The following SART3 variants were observed in gnomAD, a reference collection of about 807,000 sequenced individuals.
The protein encoded by SART3 is spliceosome associated factor 3, U4/U6 recycling protein, also known as HIV-1 Tat-interacting protein of 110kDa.
In SART3, 44 loss-of-function variants were observed where a neutral mutation model predicts 122.3. The observed-to-expected ratio is 0.36, with a 90% CI of 0.28 to 0.46. SART3 has a LOEUF of 0.46. Ranked by LOEUF, SART3 falls within the 20% of genes least tolerant of loss-of-function variation. The probability of loss-of-function intolerance (pLI) is 1.00; values close to 1 mark genes in which losing one functional copy is unlikely to be tolerated. For missense variants in SART3, 1,101 were observed against 1,229.0 expected, an observed-to-expected ratio of 0.90 and a Z score of 1.56; for synonymous variants, 442 against 454.0, an observed-to-expected ratio of 0.97 and a Z score of 0.34.
intron 15 of SART3, among the ~76,000 whole-genome samples, chr12:108,529,841 G>A (rs776537662): frequency 1.4e-4 from 22 of 151,940 alleles, no homozygotes; most frequent in Non-Finnish European, 2.6e-4. Context: ...CCAGACTCAA[G>A]GAGATCCAGG....
In SART3 at chr12:108,542,008, T is replaced by A. The variant is rs898167793; in HGVS notation, c.906+1020A>T. 3.4e-5 allele frequency among the ~76,000 whole-genome samples: 4 copies of A among 119,262 alleles called. No homozygotes were observed. In the East Asian group the frequency reaches 6.4e-4, roughly 19 times the overall value. The allele number at this position is 119,262 out of a possible 152,430, so 78.2% of individuals were successfully genotyped here. On this transcript the variant is annotated intron_variant, in intron 6 of 18. Transcript: ENST00000546815. ...TGCCACCAAGCCCGGCTTTTTTTTTTTTTTTTTTTTTTTTTTTTTGGTAGA... is the reference window on the plus strand; with the variant it reads ...TGCCACCAAGCCCGGCTTTTTTTTTATTTTTTTTTTTTTTTTTTTGGTAGA...
intron 15 of SART3, among the ~76,000 whole-genome samples, chr12:108,529,806 T>TAA (rs138607862): frequency 2.1e-5 from 3 of 143,248 alleles, no homozygotes; most frequent in African/African-American, 5.1e-5. Context: ...GTCATCAGAG[T>TAA]AAAAAAAAAA....
chr12:108,528,498 A>G (rs2136664504), intron 15 of SART3, among the ~76,000 whole-genome samples: 1 of 151,312 alleles, frequency 6.6e-6, no homozygotes, highest in African/African-American at 2.4e-5. Flanking sequence ...AAAAAAAAAA[A>G]AAAAGTAGGG....
At chr12:108,539,331 T>C (rs529978319) in intron 6 of SART3, among the ~76,000 whole-genome samples, 1 of 152,236 alleles carries the variant, frequency 6.6e-6, no homozygotes, top group African/African-American at 2.4e-5. Flanking sequence ...TCTAAATCCA[T>C]TCCTAGACCA....
At chr12:108,555,536 A>G (rs2030183359) in intron 1 of SART3, among the ~76,000 whole-genome samples, 1 of 152,166 alleles carries the variant, frequency 6.6e-6, no homozygotes, top group Admixed American at 6.5e-5. Flanking sequence ...CTGGTGGCAC[A>G]TGCCTGTGGT....
At chr12:108,524,743 T>A in intron 17 of SART3, 3 of 585,318 alleles carry the variant, frequency 5.1e-6, no homozygotes, top group Non-Finnish European at 9.2e-6. Flanking sequence ...CCTTCCAAGT[T>A]CAGCACACCT....
At position 108,523,536 on chromosome 12, in the gene SART3, G is replaced by A; in HGVS notation, c.2813C>T (p.Pro938Leu). 6.2e-7 allele frequency: 1 copy of A among 1,613,928 alleles called. No homozygotes were observed. ...PQAENGPAAA[P>L]AVAAPAATEA... is the part of the protein sequence containing the mutation. Reference sequence around the variant, plus strand: ...GGTGGCTGCTGGGGCGGCAACTGCAGGAGCCGCGGCAGGGCCGTTCTCAGC... The same window carrying A: ...GGTGGCTGCTGGGGCGGCAACTGCAAGAGCCGCGGCAGGGCCGTTCTCAGC... The change falls in exon 19 of 19, where the codon CCT becomes CTT. Residue 938 changes from proline (P) to leucine (L), a missense_variant. Transcript: ENST00000546815.
chr12:108,546,706 G>C (rs1451346935), intron 3 of SART3, among the ~76,000 whole-genome samples: 1 of 152,006 alleles, frequency 6.6e-6, no homozygotes, highest in Admixed American at 6.5e-5. Flanking sequence ...TTTTAGTGGA[G>C]ATGGGGTTTT....
chr12:108,540,736 C>T (rs1024287022), intron 6 of SART3, among the ~76,000 whole-genome samples: 1 of 149,252 alleles, frequency 6.7e-6, no homozygotes, highest in African/African-American at 2.5e-5. Context: ...CTCATCATTA[C>T]AACAGTGTAA....
At chr12:108,548,986 C>T (rs748560282) in intron 2 of SART3, 102 bp downstream of exon 2, 32 of 1,559,418 alleles carry the variant, frequency 2.1e-5, no homozygotes, top group South Asian at 7.8e-5. Context: ...CTACACTGAA[C>T]GTTCCAGGTT....
chr12:108,559,495 G>A (rs12370849), intron 1 of SART3, among the ~76,000 whole-genome samples: 6,976 of 151,900 alleles, frequency 0.046, 187 homozygotes, highest in South Asian at 0.074. Flanking sequence ...GTGAAACCCC[G>A]TCTCTACTAA....
Position 108,545,338 on chromosome 12 carries a change from T to C in SART3, c.545-15A>G, listed in dbSNP as rs765320800. The C allele has an allele frequency of 7.4e-6, 12 of 1,613,640 alleles. No individual in the cohort carries two copies. Among genetic ancestry groups the C allele is most frequent in the Admixed American group, 1.7e-5 (1 of 60,022 alleles). On this transcript the variant is annotated splice_polypyrimidine_tract_variant and intron_variant, in intron 3 of 18. Transcript: ENST00000546815. ...AATGTTAGGACCTAAAAATAAGAAGTGTTCAATTAGTTTGGGATATAAAAT... is the reference window on the plus strand; with the variant it reads ...AATGTTAGGACCTAAAAATAAGAAGCGTTCAATTAGTTTGGGATATAAAAT...
chr12:108,531,630 G>T, intron 13 of SART3: 1 of 289,670 alleles, frequency 3.5e-6, no homozygotes. Context: ...ATTTTTTGGT[G>T]GTCTTTGCAA....
At position 108,557,780 on chromosome 12, in the gene SART3, T is replaced by C. The variant is rs186313163; in HGVS notation, c.312+3063A>G. On this transcript the variant is annotated intron_variant, in intron 1 of 18. Transcript: ENST00000546815. ...CAAATCTGCCGAAGCCACCATGAAG[T>C]GCCACTTTTAATTTCAGCGCACAAA... Among the ~76,000 whole-genome samples, 973 of 152,294 alleles carry C rather than the reference T, an allele frequency of 6.4e-3. 4 individuals are homozygous for C. Among genetic ancestry groups the C allele is most frequent in the Non-Finnish European group, 0.011 (716 of 68,034 alleles).
At chr12:108,557,912 C>G (rs2241318) in intron 1 of SART3, among the ~76,000 whole-genome samples, 2 of 152,058 alleles carry the variant, frequency 1.3e-5, no homozygotes, top group African/African-American at 2.4e-5. Context: ...GCCTGTGATC[C>G]GAGCACTTTG....
At chr12:108,550,013 C>CAAAAAAA (rs10572379) in intron 1 of SART3, among the ~76,000 whole-genome samples, 3 of 88,232 alleles carry the variant, frequency 3.4e-5, no homozygotes, top group Admixed American at 1.3e-4. Flanking sequence ...GACCCAATCT[C>CAAAAAAA]AAAAAAAAAA....
intron 1 of SART3, among the ~76,000 whole-genome samples, chr12:108,554,780 G>A (rs1433402069): frequency 2.0e-5 from 3 of 151,376 alleles, no homozygotes; most frequent in African/African-American, 7.3e-5. Flanking sequence ...TGGAGGTCTG[G>A]GGTTTTAACA....
chr12:108,539,230 C>G, intron 6 of SART3, 141 bp from the exon 7 acceptor site: 1 of 812,826 alleles, frequency 1.2e-6, no homozygotes, highest in Admixed American at 2.0e-5. Context: ...CCACTATGGC[C>G]TCTACAACTT....
intron 1 of SART3, among the ~76,000 whole-genome samples, chr12:108,558,995 T>C (rs1239570743): frequency 1.5e-5 from 2 of 130,942 alleles, no homozygotes; most frequent in Admixed American, 9.1e-5. Context: ...ATCGTGCCAC[T>C]GCACTCCAGC....
Sources: allele counts gnomAD v4.1 joint callset (sites outside exome capture counted in the v4.1 genomes callset), GRCh38; gene constraint gnomAD v4.1.1; transcripts MANE v1.5; gene names NCBI Gene and HGNC (gene_info 2026-07-23, HGNC 2026-07-21).